The following PTGER3 variants were observed in gnomAD, a reference collection of about 807,000 sequenced individuals.
PTGER3 encodes prostaglandin E2 receptor EP3 subtype.
PTGER3 carries 22 observed loss-of-function variants against 34.7 expected under a neutral mutation model. That is an observed-to-expected ratio of 0.63 (90% CI 0.45 to 0.91). The LOEUF (loss-of-function observed/expected upper bound fraction) is 0.91, where lower values mean the gene tolerates loss of function less well. Ranked by LOEUF, PTGER3 falls within the 40% of genes least tolerant of loss-of-function variation. PTGER3 has a pLI of 0.00. For missense variants in PTGER3, 468 were observed against 519.4 expected (o/e 0.90, Z 0.96); for synonymous variants, 241 against 230.1 (o/e 1.05, Z -0.43).
intron 4 of PTGER3, among the ~76,000 whole-genome samples, chr1:70,877,488 A>G (rs575047052): frequency 9.8e-5 from 15 of 152,288 alleles, no homozygotes; most frequent in African/African-American, 3.1e-4. Context: ...TTCCAGTACT[A>G]TCTTAAATAG....
In PTGER3 at chr1:70,974,318, A is replaced by G; in HGVS notation, c.1148T>C (p.Met383Thr). 1 of 1,573,888 alleles carries G rather than the reference A, an allele frequency of 6.4e-7. No homozygotes were observed. Among genetic ancestry groups the G allele is most frequent in the Non-Finnish European group, 8.7e-7 (1 of 1,143,760 alleles). ...TCACCTTTCCAAATGGTCGCTCCAC[A>G]TCAAGGTTGAGGAACACTGGCAGGG... ...SLPCQCSSTL[M>T]WSDHLER The change falls in exon 3 of 4, where the codon ATG becomes ACG. Residue 383 changes from methionine (M) to threonine (T), a missense_variant. By Grantham distance (81) the Met-to-Thr change is moderately conservative (BLOSUM62 -1). Transcript: ENST00000306666.
intron 1 of PTGER3, among the ~76,000 whole-genome samples, chr1:71,037,908 C>T (rs1659978316): frequency 6.6e-6 from 1 of 152,184 alleles, no homozygotes; most frequent in Admixed American, 6.5e-5. Flanking sequence ...TGATGCTACT[C>T]TGTGGCTGAG....
At chr1:70,945,657 A>G (rs847704) in intron 4 of PTGER3, among the ~76,000 whole-genome samples, 135,037 of 152,148 alleles carry the variant, frequency 0.89, 59,941 homozygotes, top group Middle Eastern at 0.95. Context: ...CACTCATAAA[A>G]CAGCCATTCC....
rs950714161 is a variant in PTGER3, at chr1:70,971,262, G to A, written c.*468C>T. 3 of 985,586 alleles carry A rather than the reference G, an allele frequency of 3.0e-6. No homozygotes were observed. In the African/African-American group the frequency reaches 5.2e-5, roughly 17 times the overall value. 61.1% of individuals were successfully genotyped at this position (985,586 alleles called of 1,614,324 possible). ...CTCATTTGCTTTTATATGTCGTTAAGTTCATATCCTATTAATTGAATTATC... is the reference window on the plus strand; with the variant it reads ...CTCATTTGCTTTTATATGTCGTTAAATTCATATCCTATTAATTGAATTATC... On this transcript the variant is annotated 3_prime_UTR_variant, in exon 4 of 4. Coordinates refer to ENST00000306666, the MANE Select transcript of PTGER3 (RefSeq NM_198719.2).
chr1:70,982,442 C>T (rs1450874287), intron 2 of PTGER3, among the ~76,000 whole-genome samples: 1 of 152,124 alleles, frequency 6.6e-6, no homozygotes, highest in African/African-American at 2.4e-5. Flanking sequence ...ACTGCTCCTG[C>T]TCATCCAGCA....
downstream of PTGER3, chr1:70,951,364 T>G (rs898151007): frequency 2.6e-5 from 4 of 152,160 alleles, no homozygotes; most frequent in Non-Finnish European, 5.9e-5. Context: ...CTAAATTTGG[T>G]GTAGGAAAGG....
chr1:70,862,298 G>C, intron 4 of PTGER3: 1 of 1,332,958 alleles, frequency 7.5e-7, no homozygotes, highest in Non-Finnish European at 1.0e-6. Flanking sequence ...TGGAGATCAT[G>C]ACTTACATCT....
chr1:71,014,100 G>C (rs1014616660), intron 1 of PTGER3, among the ~76,000 whole-genome samples: 11 of 152,034 alleles, frequency 7.2e-5, no homozygotes, highest in African/African-American at 2.7e-4. Context: ...TAAAAATGCA[G>C]CTACTAGAAA....
chr1:70,916,125 A>G (rs1647170526), intron 4 of PTGER3, among the ~76,000 whole-genome samples: 1 of 152,108 alleles, frequency 6.6e-6, no homozygotes, highest in Non-Finnish European at 1.5e-5. Flanking sequence ...GAACAAACAT[A>G]TGAAAAAATG....
chr1:71,035,761 A>G (rs1659767345), intron 1 of PTGER3, among the ~76,000 whole-genome samples: 1 of 152,206 alleles, frequency 6.6e-6, no homozygotes, highest in Non-Finnish European at 1.5e-5. Context: ...CCTTGCAGGC[A>G]ATCTCTTTTT....
chr1:70,866,125 C>T (rs988761810), intron 4 of PTGER3, among the ~76,000 whole-genome samples: 2 of 152,180 alleles, frequency 1.3e-5, no homozygotes, highest in African/African-American at 4.8e-5. Context: ...CGTCTTAATG[C>T]TTCGCTGTAA....
chr1:71,003,338 T>A (rs912250321), intron 2 of PTGER3, among the ~76,000 whole-genome samples: 1 of 152,216 alleles, frequency 6.6e-6, no homozygotes, highest in Admixed American at 6.5e-5. Context: ...CCTAGTATCA[T>A]GAAGTTACAT....
chr1:70,987,531 T>C (rs2100754590), intron 2 of PTGER3, among the ~76,000 whole-genome samples: 1 of 152,346 alleles, frequency 6.6e-6, no homozygotes, highest in Non-Finnish European at 1.5e-5. Flanking sequence ...AGTTCCATGA[T>C]AAATCGATTC....
At chr1:71,013,067 A>T (rs1387990707) in intron 1 of PTGER3, among the ~76,000 whole-genome samples, 1 of 152,138 alleles carries the variant, frequency 6.6e-6, no homozygotes, top group Non-Finnish European at 1.5e-5. Flanking sequence ...GATGAGCCAG[A>T]CTAATACCAT....
At chr1:71,030,369 T>C (rs1035145333) in intron 1 of PTGER3, among the ~76,000 whole-genome samples, 11 of 152,236 alleles carry the variant, frequency 7.2e-5, no homozygotes, top group African/African-American at 2.7e-4. Context: ...AATTGCACTG[T>C]ATCATACTGG....
chr1:71,027,540 G>C (rs548381396), intron 1 of PTGER3, among the ~76,000 whole-genome samples: 84 of 152,248 alleles, frequency 5.5e-4, no homozygotes, highest in Middle Eastern at 3.4e-3. Context: ...GGAACTATCC[G>C]GTTCCCCAAC....
chr1:70,991,583 G>A (rs866341399), intron 2 of PTGER3, among the ~76,000 whole-genome samples: 5 of 152,152 alleles, frequency 3.3e-5, no homozygotes, highest in African/African-American at 4.8e-5. Flanking sequence ...AGTCTCTGAG[G>A]TGGGCCCAGA....
chr1:70,977,000 T>C (rs484538), intron 2 of PTGER3, among the ~76,000 whole-genome samples: 93,231 of 152,016 alleles, frequency 0.61, 28,821 homozygotes, highest in Middle Eastern at 0.65. Context: ...TATCCTCCCT[T>C]TGGATGTGAG....
At chr1:70,990,557 C>T (rs927331259) in intron 2 of PTGER3, among the ~76,000 whole-genome samples, 7 of 151,526 alleles carry the variant, frequency 4.6e-5, no homozygotes, top group Non-Finnish European at 7.4e-5. Context: ...GAGACAGGGT[C>T]TTGTTCTGTT....
Sources: allele counts gnomAD v4.1 joint callset (sites outside exome capture counted in the v4.1 genomes callset), GRCh38; gene constraint gnomAD v4.1.1; transcripts MANE v1.5; gene names NCBI Gene and HGNC (gene_info 2026-07-23, HGNC 2026-07-21).